Variants in CHRNA1 observed in about 807,000 individuals in gnomAD.
CHRNA1 encodes cholinergic receptor nicotinic alpha 1 subunit.
Under a neutral mutation model 47.1 loss-of-function variants are expected in CHRNA1, and 35 were observed. The observed-to-expected ratio is 0.74, with a 90% confidence interval of 0.57 to 0.99. The LOEUF is 0.99. CHRNA1 is among the 50% of genes least tolerant of loss of function. The pLI, the probability that CHRNA1 is intolerant of heterozygous loss-of-function variation, is 0.00. For synonymous variants in CHRNA1, 229 were observed against 223.6 expected, an observed-to-expected ratio of 1.02 and a Z score of -0.22; for missense variants, 506 against 591.1, an observed-to-expected ratio of 0.86 and a Z score of 1.49.
rs1374135222 is a variant in CHRNA1, at chr2:174,763,326, GCGCGCACA to G, written c.43+1018_43+1025del. On this transcript the variant is annotated intron_variant, in intron 1 of 8. Coordinates refer to ENST00000348749, the MANE Select transcript of CHRNA1 (RefSeq NM_000079.4). ...TGCGTGCACGCATGTGTGTGCACGC[GCGCGCACA>G]CACACACACACACACACACACACAT... Among the ~76,000 whole-genome samples the G allele has an allele frequency of 1.2e-3, 120 of 99,166 alleles. 3 individuals are homozygous for G. The East Asian group carries it at 0.015, about 13-fold the overall frequency. 65.1% of individuals were successfully genotyped at this position (99,166 alleles called of 152,430 possible).
chr2:174,756,433 CTA>C (rs549137467), intron 4 of CHRNA1, among the ~76,000 whole-genome samples: 1 of 152,248 alleles, frequency 6.6e-6, no homozygotes, highest in African/African-American at 2.4e-5. Context: ...ACCTGGAAAA[CTA>C]TGTGGCATTG....
At chr2:174,757,175 C>T (rs1683995632) in intron 4 of CHRNA1, among the ~76,000 whole-genome samples, 1 of 152,132 alleles carries the variant, frequency 6.6e-6, no homozygotes. Flanking sequence ...GGAAAGTTGC[C>T]ACACATGCTT....
intron 1 of CHRNA1, among the ~76,000 whole-genome samples, chr2:174,759,905 C>T (rs1218002025): frequency 6.7e-6 from 1 of 148,498 alleles, no homozygotes; most frequent in Non-Finnish European, 1.5e-5. Context: ...CTTCATACAG[C>T]CTGGCTGAAT....
rs1184580359 is a variant in CHRNA1, at chr2:174,747,904, G to T, written c.*220C>A. ...AGTGATTAGTTTCATTTACTAAAGA[G>T]GGTTCACTCTTCAGGGAGACAGCAG... On this transcript the variant is annotated 3_prime_UTR_variant, in exon 9 of 9. Transcript: ENST00000348749. The T allele has an allele frequency of 3.5e-6, 2 of 565,860 alleles. No homozygotes were observed. The highest frequency in any genetic ancestry group is 6.2e-6 in the Non-Finnish European group (2 of 320,554). The allele number at this position is 565,860 out of a possible 1,614,324, so 35.1% of individuals were successfully genotyped here.
intron 5 of CHRNA1, among the ~76,000 whole-genome samples, chr2:174,753,963 T>C (rs945524065): frequency 6.6e-6 from 1 of 152,196 alleles, no homozygotes; most frequent in African/African-American, 2.4e-5. Flanking sequence ...TCAAGTCACC[T>C]GGGAGCTTTA....
At chr2:174,759,030 C>G (rs1412222977) in intron 3 of CHRNA1, among the ~76,000 whole-genome samples, 3 of 152,122 alleles carry the variant, frequency 2.0e-5, no homozygotes, top group Non-Finnish European at 4.4e-5. Flanking sequence ...TCAGAAGGAA[C>G]CAACCCTACC....
intron 4 of CHRNA1, among the ~76,000 whole-genome samples, chr2:174,755,271 T>A (rs1476983613): frequency 1.3e-5 from 2 of 152,118 alleles, no homozygotes; most frequent in Non-Finnish European, 2.9e-5. Context: ...AGGTGAGGAA[T>A]GAGTGCAGGC....
chr2:174,753,520 T>C lies in CHRNA1; in HGVS notation c.761A>G (p.Tyr254Cys), dbSNP rs1261713009. ...ACACCCACCTGAGTCTGTGGGCAGGTAGAATACCAGGCCAGTTAAGAAGGA... is the reference window on the plus strand; with the variant it reads ...ACACCCACCTGAGTCTGTGGGCAGGCAGAATACCAGGCCAGTTAAGAAGGA... ...LFSFLTGLVF[Y>C]LPTDSGEKMT... Residue 254 changes from tyrosine (Y) to cysteine (C), a missense_variant, in exon 6 of 9, where the codon TAC becomes TGC. Transcript: ENST00000348749. 6.2e-7 allele frequency: 1 copy of C among 1,614,034 alleles called. No individual in the cohort carries two copies. The highest frequency in any genetic ancestry group is 2.2e-5 in the East Asian group (1 of 44,886).
At chr2:174,753,370 A>G in intron 6 of CHRNA1, 133 bp downstream of exon 6, 1 of 947,264 alleles carries the variant, frequency 1.1e-6, no homozygotes, top group Non-Finnish European at 1.7e-6. Flanking sequence ...CCACTCAGCA[A>G]ATGCACCCTC....
At chr2:174,752,491 G>C (rs575597569) in intron 6 of CHRNA1, among the ~76,000 whole-genome samples, 4 of 152,232 alleles carry the variant, frequency 2.6e-5, no homozygotes, top group Admixed American at 2.0e-4. Context: ...GGTCACTTGA[G>C]CTCAGGAGGT....
At chr2:174,751,578 T>G (rs1462498179) in intron 6 of CHRNA1, among the ~76,000 whole-genome samples, 1 of 152,186 alleles carries the variant, frequency 6.6e-6, no homozygotes, top group Non-Finnish European at 1.5e-5. Context: ...TATATAAAAT[T>G]TGTTGATTAA....
chr2:174,759,682 C>T, intron 1 of CHRNA1, 49 bp from the exon 2 acceptor site: 1 of 1,606,988 alleles, frequency 6.2e-7, no homozygotes, highest in Non-Finnish European at 8.5e-7. Flanking sequence ...TCCCCACCCT[C>T]CAAACACATG....
chr2:174,752,091 C>CGGT (rs1470967713), intron 6 of CHRNA1, among the ~76,000 whole-genome samples: 1 of 151,778 alleles, frequency 6.6e-6, no homozygotes. Flanking sequence ...GGGCCTGGTG[C>CGGT]GGTGGATCAT....
rs887702622 is a variant in CHRNA1, at chr2:174,747,984, G to T, written c.*140C>A. 10 of 1,117,742 alleles carry T rather than the reference G, an allele frequency of 8.9e-6. No individual in the cohort carries two copies. In the East Asian group the frequency reaches 2.6e-4, roughly 29 times the overall value. 69.2% of individuals were successfully genotyped at this position (1,117,742 alleles called of 1,614,324 possible). ...TTCAAGGCCATAAACTTACATAAAG[G>T]TAAATCTTATCATCAATAATAAGTA... On this transcript the variant is annotated 3_prime_UTR_variant, in exon 9 of 9. Coordinates refer to ENST00000348749, the MANE Select transcript of CHRNA1 (RefSeq NM_000079.4).
chr2:174,763,352 A>T (rs1310901127), intron 1 of CHRNA1, among the ~76,000 whole-genome samples: 1 of 152,088 alleles, frequency 6.6e-6, no homozygotes, highest in Non-Finnish European at 1.5e-5. Context: ...ACACACACAC[A>T]CACACATCAG....
Position 174,754,246 on chromosome 2 carries a change from G to A in CHRNA1, c.513C>T (p.Tyr171=), listed in dbSNP as rs762327875. Residue 171 remains tyrosine, a synonymous_variant, in exon 5 of 9, where the codon TAC becomes TAT. Transcript: ENST00000348749. ...NCSMKLGTWT[Y]DGSVVAINPE... ...GGTTGATGGCCACGACAGAGCCGTC[G>A]TAGGTCCAGGTGCCCAGCTTCATGC... The A allele has an allele frequency of 1.4e-4, 223 of 1,613,762 alleles. 1 individual carries two copies. Among genetic ancestry groups the A allele is most frequent in the African/African-American group, 3.9e-4 (29 of 74,904 alleles).
intron 1 of CHRNA1, 120 bp downstream of exon 1, chr2:174,764,232 T>C (rs1428239583): frequency 9.9e-7 from 1 of 1,011,740 alleles, no homozygotes; most frequent in African/African-American, 1.6e-5. Flanking sequence ...GAGCAGCCCC[T>C]GGTTGGGGAG....
intron 7 of CHRNA1, among the ~76,000 whole-genome samples, chr2:174,749,613 G>A (rs139321847): frequency 1.3e-5 from 2 of 152,276 alleles, no homozygotes; most frequent in African/African-American, 4.8e-5. Flanking sequence ...TCTGTTCACA[G>A]ATTGGAAAAC....
rs756980389 is a variant in CHRNA1 at position 174,748,685 on chromosome 2, G to T, written c.1137C>A (p.Pro379=). Residue 379 remains proline (P), a synonymous_variant, in exon 8 of 9, where the codon CCC becomes CCA. Coordinates refer to ENST00000348749, the MANE Select transcript of CHRNA1 (RefSeq NM_000079.4). Reference sequence around the variant, plus strand: ...TGATCAGGGGAGAGTGGAAGCCCATGGGTGGAGGCCCTGGCTTTCCAGAAA... The same window carrying T: ...TGATCAGGGGAGAGTGGAAGCCCATTGGTGGAGGCCCTGGCTTTCCAGAAA... ...SDISGKPGPP[P]MGFHSPLIKH... 1.2e-6 allele frequency: 2 copies of T among 1,614,216 alleles called. No individual in the cohort carries two copies. Among genetic ancestry groups the T allele is most frequent in the South Asian group, 2.2e-5 (2 of 91,080 alleles).
Sources: gnomAD v4.1 joint callset for allele counts (sites outside exome capture counted in the v4.1 genomes callset) on GRCh38, gnomAD v4.1.1 for gene constraint, MANE v1.5 for transcripts, NCBI Gene and HGNC (gene_info 2026-07-23, HGNC 2026-07-21) for gene names.